The following CNTNAP2 variants were observed in gnomAD, a reference collection of about 807,000 sequenced individuals.
The protein encoded by CNTNAP2 is contactin associated protein 2, also known as contactin-associated protein-like 2.
Under a neutral mutation model 155.2 loss-of-function variants are expected in CNTNAP2, and 98 were observed. The ratio of observed to expected loss-of-function variants is 0.63; its 90% confidence interval spans 0.54 to 0.75. The LOEUF (loss-of-function observed/expected upper bound fraction) is 0.75, where lower values mean the gene tolerates loss of function less well. Ranked by LOEUF, CNTNAP2 falls within the 30% of genes least tolerant of loss-of-function variation. CNTNAP2 has a pLI of 0.00. For missense variants in CNTNAP2, 1,727 were observed against 1,688.1 expected, an observed-to-expected ratio of 1.02 and a Z score of -0.40; for synonymous variants, 651 against 631.2, an observed-to-expected ratio of 1.03 and a Z score of -0.47.
intron 9 of CNTNAP2, among the ~76,000 whole-genome samples, chr7:147,318,836 A>G (rs1007342098): frequency 1.3e-5 from 2 of 152,166 alleles, no homozygotes; most frequent in Non-Finnish European, 1.5e-5. Flanking sequence ...TAAAATTAAA[A>G]ATATATACGT....
intron 11 of CNTNAP2, among the ~76,000 whole-genome samples, chr7:147,506,005 T>G (rs1798899597): frequency 6.6e-6 from 1 of 152,150 alleles, no homozygotes. Context: ...TACAGCAGAC[T>G]GGGGTGAACA....
intron 9 of CNTNAP2, among the ~76,000 whole-genome samples, chr7:147,313,285 T>C (rs1378326013): frequency 6.6e-5 from 10 of 151,932 alleles, no homozygotes; most frequent in African/African-American, 2.4e-4. Flanking sequence ...CATTTATCAA[T>C]TTTGGCTTTT....
intron 13 of CNTNAP2, among the ~76,000 whole-genome samples, chr7:147,865,356 G>A (rs555851707): frequency 8.2e-4 from 125 of 152,162 alleles, no homozygotes; most frequent in African/African-American, 2.8e-3. Context: ...TTTCCCCATC[G>A]ATGCTTACCA....
chr7:146,699,002 G>A (rs978357843), intron 1 of CNTNAP2, among the ~76,000 whole-genome samples: 12 of 151,790 alleles, frequency 7.9e-5, no homozygotes, highest in African/African-American at 2.9e-4. Context: ...CTCTATGCCT[G>A]CATTACCTAT....
At chr7:146,737,107 T>C (rs1470474002) in intron 1 of CNTNAP2, among the ~76,000 whole-genome samples, 1 of 152,136 alleles carries the variant, frequency 6.6e-6, no homozygotes, top group Non-Finnish European at 1.5e-5. Flanking sequence ...AAATTAAGAA[T>C]GTTATTTTTT....
chr7:148,119,258 T>C (rs1294418889), intron 16 of CNTNAP2, among the ~76,000 whole-genome samples: 3 of 151,984 alleles, frequency 2.0e-5, no homozygotes, highest in Non-Finnish European at 4.4e-5. Context: ...GCACGGTGGC[T>C]CACGCCTGTA....
intron 8 of CNTNAP2, among the ~76,000 whole-genome samples, chr7:147,278,679 AAAAT>A (rs1804958488): frequency 6.6e-6 from 1 of 151,618 alleles, no homozygotes; most frequent in African/African-American, 2.4e-5. Context: ...TTTATAAGGA[AAAAT>A]AAAGCATAAT....
intron 15 of CNTNAP2, among the ~76,000 whole-genome samples, chr7:148,032,010 G>A (rs1429730712): frequency 6.6e-6 from 1 of 152,098 alleles, no homozygotes; most frequent in Admixed American, 6.6e-5. Flanking sequence ...TCGACAAATC[G>A]CCTCCCATCT....
At chr7:148,182,740 A>C (rs1001048679) in intron 18 of CNTNAP2, among the ~76,000 whole-genome samples, 20 of 152,370 alleles carry the variant, frequency 1.3e-4, no homozygotes, top group Non-Finnish European at 2.6e-4. Flanking sequence ...CAAATTATGA[A>C]GAGCCAGCTG....
chr7:147,311,020 T>G (rs940099943), intron 9 of CNTNAP2, among the ~76,000 whole-genome samples: 1 of 152,020 alleles, frequency 6.6e-6, no homozygotes, highest in Non-Finnish European at 1.5e-5. Context: ...ACATCATCTG[T>G]GGGGTGGTGC....
chr7:148,029,410 G>C (rs1358008131), intron 15 of CNTNAP2, among the ~76,000 whole-genome samples: 1 of 152,112 alleles, frequency 6.6e-6, no homozygotes, highest in African/African-American at 2.4e-5. Flanking sequence ...AATCTCTTTT[G>C]TTATACTTGC....
At chr7:148,197,255 AT>A (rs1795293698) in intron 18 of CNTNAP2, among the ~76,000 whole-genome samples, 1 of 152,180 alleles carries the variant, frequency 6.6e-6, no homozygotes, top group South Asian at 2.1e-4. Flanking sequence ...TTTATCAGAA[AT>A]TTCTTGATTA....
chr7:146,288,382 A>T (rs561393080), intron 1 of CNTNAP2, among the ~76,000 whole-genome samples: 6 of 152,108 alleles, frequency 3.9e-5, no homozygotes, highest in Admixed American at 1.3e-4. Flanking sequence ...AGAAAAGTTA[A>T]TTGTTTTTGG....
At chr7:148,381,205 C>T (rs554467807) in intron 21 of CNTNAP2, among the ~76,000 whole-genome samples, 1 of 152,290 alleles carries the variant, frequency 6.6e-6, no homozygotes, top group African/African-American at 2.4e-5. Context: ...TTCTGCTGTC[C>T]CCAGACAGCC....
intron 9 of CNTNAP2, among the ~76,000 whole-genome samples, chr7:147,338,441 C>G (rs1219002886): frequency 6.6e-6 from 1 of 152,004 alleles, no homozygotes; most frequent in Non-Finnish European, 1.5e-5. Flanking sequence ...TTTTTTTAAA[C>G]CAAATATAGA....
intron 15 of CNTNAP2, among the ~76,000 whole-genome samples, chr7:148,088,958 T>A (rs917603659): frequency 1.3e-5 from 2 of 151,968 alleles, no homozygotes; most frequent in African/African-American, 4.8e-5. Context: ...GAATCATTCA[T>A]CATGGTCAGG....
intron 13 of CNTNAP2, among the ~76,000 whole-genome samples, chr7:147,780,448 G>A (rs115128222): frequency 0.013 from 2,030 of 152,078 alleles, 103 homozygotes; most frequent in Admixed American, 0.089. Context: ...TCTGAGGTCA[G>A]TATTTATACC....
chr7:146,362,891 C>A (rs1334397484), intron 1 of CNTNAP2, among the ~76,000 whole-genome samples: 1 of 151,654 alleles, frequency 6.6e-6, no homozygotes, highest in African/African-American at 2.4e-5. Context: ...CTGCCTCAGC[C>A]TCCCAAGTAG....
intron 13 of CNTNAP2, among the ~76,000 whole-genome samples, chr7:147,901,423 C>A (rs1799865255): frequency 6.6e-6 from 1 of 152,184 alleles, no homozygotes; most frequent in Non-Finnish European, 1.5e-5. Flanking sequence ...TGAAAAATAA[C>A]TTCTTACTTG....
Sources: allele counts gnomAD v4.1 joint callset (sites outside exome capture counted in the v4.1 genomes callset), GRCh38; gene constraint gnomAD v4.1.1; transcripts MANE v1.5; gene names NCBI Gene and HGNC (gene_info 2026-07-23, HGNC 2026-07-21).